The following TUSC3 variants were observed in gnomAD, a reference collection of about 807,000 sequenced individuals.
TUSC3 encodes dolichyl-diphosphooligosaccharide--protein glycosyltransferase subunit TUSC3.
Under a neutral mutation model 44.8 loss-of-function variants are expected in TUSC3, and 45 were observed. The observed-to-expected ratio is 1.00, with a 90% CI of 0.79 to 1.29. The LOEUF (loss-of-function observed/expected upper bound fraction) is 1.29. Among genes scored for constraint, TUSC3 ranks in the 50% most tolerant of loss-of-function variants. TUSC3 has a pLI of 0.00. For missense variants in TUSC3, 519 were observed against 437.9 expected (o/e 1.19, Z -1.65); for synonymous variants, 212 against 152.9 (o/e 1.39, Z -2.85).
At chr8:15,624,137 G>T (rs1805384747) in intron 2 of TUSC3, among the ~76,000 whole-genome samples, 1 of 152,096 alleles carries the variant, frequency 6.6e-6, no homozygotes. Context: ...CGTCCAAGTT[G>T]TTATATTTAT....
the TUSC3 span, among the ~76,000 whole-genome samples, chr8:15,792,541 C>G: frequency 6.6e-6 from 1 of 152,148 alleles, no homozygotes; most frequent in Non-Finnish European, 1.5e-5. Context: ...CTAGAGGACA[C>G]TTGACACTGC....
chr8:15,506,439 T>A (rs915087843), intron 2 of TUSC3, among the ~76,000 whole-genome samples: 3 of 152,210 alleles, frequency 2.0e-5, no homozygotes, highest in Non-Finnish European at 4.4e-5. Flanking sequence ...CTAACTTGTT[T>A]GACTGTACAT....
At chr8:15,590,977 A>G (rs1307266690) in intron 1 of TUSC3, among the ~76,000 whole-genome samples, 2 of 152,128 alleles carry the variant, frequency 1.3e-5, no homozygotes, top group Admixed American at 6.6e-5. Flanking sequence ...ACCAGCCTAT[A>G]ATTTGTTTTG....
intron 1 of TUSC3, among the ~76,000 whole-genome samples, chr8:15,423,112 T>G (rs1002004215): frequency 6.6e-6 from 1 of 152,144 alleles, no homozygotes; most frequent in African/African-American, 2.4e-5. Flanking sequence ...AAAAAAGTGT[T>G]TCTTAGTTTC....
chr8:15,848,090 C>T, the TUSC3 span, among the ~76,000 whole-genome samples: 3 of 152,110 alleles, frequency 2.0e-5, no homozygotes, highest in Non-Finnish European at 4.4e-5. Flanking sequence ...CTTCCTTCCC[C>T]GTGCCAATAC....
chr8:15,825,037 C>T, the TUSC3 span, among the ~76,000 whole-genome samples: 91,427 of 151,740 alleles, frequency 0.6, 28,918 homozygotes, highest in Non-Finnish European at 0.73. Flanking sequence ...TTATATATAT[C>T]AGAGTAGTAA....
chr8:15,635,328 G>A (rs1806016418), intron 2 of TUSC3, among the ~76,000 whole-genome samples: 1 of 152,122 alleles, frequency 6.6e-6, no homozygotes, highest in South Asian at 2.1e-4. Context: ...AAAGAGGAGA[G>A]GAAGTCGAGT....
At chr8:15,520,056 T>A (rs1258345238) in intron 2 of TUSC3, among the ~76,000 whole-genome samples, 1 of 152,200 alleles carries the variant, frequency 6.6e-6, no homozygotes, top group African/African-American at 2.4e-5. Context: ...CCTAATAAGA[T>A]TCAGACTCTG....
intron 2 of TUSC3, among the ~76,000 whole-genome samples, chr8:15,625,976 A>C (rs1002992302): frequency 6.6e-6 from 1 of 152,242 alleles, no homozygotes; most frequent in Non-Finnish European, 1.5e-5. Context: ...TATATACCTT[A>C]ACGATGGCAG....
chr8:15,585,076 A>C (rs1226458818), intron 1 of TUSC3, among the ~76,000 whole-genome samples: 2 of 152,216 alleles, frequency 1.3e-5, no homozygotes, highest in Non-Finnish European at 1.5e-5. Context: ...TTATGAAAGT[A>C]TTACATCGGA....
intron 1 of TUSC3, among the ~76,000 whole-genome samples, chr8:15,470,907 G>T (rs1415973003): frequency 6.6e-6 from 1 of 152,144 alleles, no homozygotes; most frequent in Non-Finnish European, 1.5e-5. Flanking sequence ...GCCCTGAGCT[G>T]AGGGGACAGG....
chr8:15,551,587 A>G (rs1297171287), intron 1 of TUSC3, among the ~76,000 whole-genome samples: 1 of 151,706 alleles, frequency 6.6e-6, no homozygotes, highest in Non-Finnish European at 1.5e-5. Flanking sequence ...CTAATCTACA[A>G]AGCCATAAAT....
intron 7 of TUSC3, among the ~76,000 whole-genome samples, chr8:15,739,917 C>CTTGTTTGT (rs71211078): frequency 7.9e-5 from 12 of 151,560 alleles, no homozygotes; most frequent in African/African-American, 2.9e-4. Context: ...CTTCAGTTTC[C>CTTGTTTGT]TTGTTTGTAA....
the TUSC3 span, among the ~76,000 whole-genome samples, chr8:15,818,549 A>C: frequency 6.6e-6 from 1 of 152,230 alleles, no homozygotes; most frequent in South Asian, 2.1e-4. Context: ...AGGTGATTAA[A>C]AATGCACTTC....
chr8:15,555,139 C>CTTT (rs60676527), intron 1 of TUSC3, among the ~76,000 whole-genome samples: 10 of 93,578 alleles, frequency 1.1e-4, no homozygotes, highest in African/African-American at 3.2e-4. Context: ...TAATAGCAGT[C>CTTT]TTTTTTTTTT....
At chr8:15,473,109 C>T (rs979108597) in intron 1 of TUSC3, among the ~76,000 whole-genome samples, 2 of 152,078 alleles carry the variant, frequency 1.3e-5, no homozygotes, top group African/African-American at 2.4e-5. Context: ...TTTTTAGTTT[C>T]CCCAAATAAG....
intron 6 of TUSC3, among the ~76,000 whole-genome samples, chr8:15,704,588 T>C (rs1241961935): frequency 1.3e-5 from 2 of 152,146 alleles, no homozygotes; most frequent in Non-Finnish European, 2.9e-5. Flanking sequence ...TAAACTAGAC[T>C]GTAACGCTGG....
chr8:15,453,746 CAG>C (rs1354267785), intron 1 of TUSC3, among the ~76,000 whole-genome samples: 1 of 152,140 alleles, frequency 6.6e-6, no homozygotes, highest in Non-Finnish European at 1.5e-5. Context: ...GGTAGTCAGA[CAG>C]AGCAGGGCGG....
At chr8:15,440,160 A>T (rs73189498) in intron 1 of TUSC3, among the ~76,000 whole-genome samples, 24,730 of 152,218 alleles carry the variant, frequency 0.16, 2,086 homozygotes, top group Middle Eastern at 0.22. Context: ...CTGCTTCCCG[A>T]GGAAATGAGG....
Sources: gnomAD v4.1 joint callset for allele counts (sites outside exome capture counted in the v4.1 genomes callset) on GRCh38, gnomAD v4.1.1 for gene constraint, MANE v1.5 for transcripts, NCBI Gene and HGNC (gene_info 2026-07-23, HGNC 2026-07-21) for gene names.